MLLT10: variants seen among roughly 807,000 people sequenced by gnomAD.
MLLT10 encodes the protein MLLT10 histone lysine methyltransferase DOT1L cofactor, also known as protein AF-10.
A neutral mutation model predicts 129.1 loss-of-function variants in MLLT10; 30 were observed. The ratio of observed to expected loss-of-function variants is 0.23; its 90% CI spans 0.17 to 0.32. The LOEUF (loss-of-function observed/expected upper bound fraction) is 0.32, where lower values mean the gene tolerates loss of function less well. Ranked by LOEUF, MLLT10 falls within the 10% of genes least tolerant of loss-of-function variation. MLLT10 has a pLI of 1.00. For missense variants in MLLT10, 1,119 were observed against 1,268.3 expected (o/e 0.88, Z 1.79); for synonymous variants, 490 against 446.4 (o/e 1.10, Z -1.23).
chr10:21,626,130 A>C (rs895946648), intron 8 of MLLT10: 9 of 1,609,962 alleles, frequency 5.6e-6, no homozygotes, highest in Non-Finnish European at 5.9e-6. Context: ...CTCTGCCTGT[A>C]GGTCTTCATA....
At chr10:21,604,804 C>T (rs1188770145) in intron 5 of MLLT10, among the ~76,000 whole-genome samples, 2 of 151,378 alleles carry the variant, frequency 1.3e-5, no homozygotes, top group South Asian at 2.1e-4. Flanking sequence ...CTTGATATTC[C>T]GTTCTCTAGG....
intron 13 of MLLT10, among the ~76,000 whole-genome samples, chr10:21,696,479 C>T (rs1169099963): frequency 6.6e-6 from 1 of 152,162 alleles, no homozygotes; most frequent in African/African-American, 2.4e-5. Context: ...GCCTCTACAA[C>T]TACTCCAGTC....
chr10:21,558,730 T>A (rs1375641914), intron 3 of MLLT10, among the ~76,000 whole-genome samples: 4 of 152,086 alleles, frequency 2.6e-5, no homozygotes, highest in Admixed American at 2.6e-4. Context: ...AGTAGAGACA[T>A]CTATTTGTTT....
chr10:21,673,848 A>G lies in MLLT10; in HGVS notation c.1550A>G (p.Gln517Arg). 1.2e-6 allele frequency: 2 copies of G among 1,614,126 alleles called. No homozygotes were observed. Among genetic ancestry groups the G allele is most frequent in the Non-Finnish European group, 1.7e-6 (2 of 1,179,978 alleles). Residue 517 changes from glutamine (Q) to arginine (R), a missense_variant, in exon 11 of 23, where the codon CAG becomes CGG. By Grantham distance (43) the Gln-to-Arg change is conservative. Coordinates refer to ENST00000307729, the MANE Select transcript of MLLT10 (RefSeq NM_001195626.3). ...AAGSITSSSL[Q>R]KSPTLLRNGS... Reference sequence around the variant, plus strand: ...GGAAGCATAACAAGCTCTAGTCTGCAGAAATCTCCTACATTGCTCAGGAAT... The same window carrying G: ...GGAAGCATAACAAGCTCTAGTCTGCGGAAATCTCCTACATTGCTCAGGAAT...
chr10:21,556,556 A>G (rs543380872), intron 3 of MLLT10: 1 of 1,026,626 alleles, frequency 9.7e-7, no homozygotes, highest in East Asian at 2.6e-5. Context: ...TCTCTAGGAA[A>G]TTAAGCTTTG....
At chr10:21,730,801 T>C in intron 16 of MLLT10, 99 bp from the exon 17 acceptor site, 1 of 1,320,970 alleles carries the variant, frequency 7.6e-7, no homozygotes, top group East Asian at 2.3e-5. Flanking sequence ...CCTGGTGTTA[T>C]AAAACTCATA....
intron 5 of MLLT10, among the ~76,000 whole-genome samples, chr10:21,603,256 G>C (rs1328841240): frequency 1.4e-5 from 2 of 147,838 alleles, no homozygotes; most frequent in Non-Finnish European, 3.0e-5. Flanking sequence ...TAGTAGAGGC[G>C]GGGTTTCACC....
intron 5 of MLLT10, among the ~76,000 whole-genome samples, chr10:21,602,182 A>G (rs1012136979): frequency 5.3e-5 from 8 of 152,160 alleles, no homozygotes; most frequent in African/African-American, 1.9e-4. Flanking sequence ...GAAATTGAGC[A>G]TAGATGCTAA....
chr10:21,586,664 G>C (rs1331612832), intron 4 of MLLT10, among the ~76,000 whole-genome samples: 2 of 152,084 alleles, frequency 1.3e-5, no homozygotes, highest in Non-Finnish European at 2.9e-5. Context: ...AAGGGAGGTG[G>C]ATCACCTGAG....
rs548917459 is a variant in MLLT10 at position 21,687,159 on chromosome 10, A to G, written c.1699+4902A>G. Among the ~76,000 whole-genome samples, 11 of 152,318 alleles carry G rather than the reference A, an allele frequency of 7.2e-5. No homozygotes were observed. In the East Asian group the frequency reaches 2.1e-3, roughly 29 times the overall value. ...ACAAATAGGGTTTGTTGGAGGAGGT[A>G]ATGTTAACCAGTTATTCATATAGGT... On this transcript the variant is annotated intron_variant, in intron 13 of 22. Transcript: ENST00000307729.
chr10:21,614,908 A>T lies in MLLT10; in HGVS notation c.587A>T (p.Tyr196Phe). 1 of 1,608,456 alleles carries T rather than the reference A, an allele frequency of 6.2e-7. No individual in the cohort carries two copies. The highest frequency in any genetic ancestry group is 1.1e-5 in the South Asian group (1 of 89,374). Reference sequence around the variant, plus strand: ...GTCCAATACTGTGGCTACTGTAAATACCATTTTAGTAAGCTGGTAAGAATT... The same window carrying T: ...GTCCAATACTGTGGCTACTGTAAATTCCATTTTAGTAAGCTGGTAAGAATT... ...DNVQYCGYCK[Y>F]HFSKLKKSKR... is the part of the protein sequence containing the mutation. Residue 196 changes from tyrosine to phenylalanine, a missense_variant, in exon 7 of 23, where the codon TAC becomes TTC. Physicochemically the swap from Tyr to Phe is conservative, Grantham distance 22. Around this residue, in one of 5 missense-constraint regions of MLLT10, gnomAD observed 44 missense variants for 114.3 expected, o/e 0.38. Transcript: ENST00000307729.
At chr10:21,637,769 A>G (rs1227167877) in intron 8 of MLLT10, among the ~76,000 whole-genome samples, 2 of 152,208 alleles carry the variant, frequency 1.3e-5, no homozygotes, top group Non-Finnish European at 2.9e-5. Flanking sequence ...GCAAAGAGGC[A>G]TTAGAAATGT....
intron 13 of MLLT10, among the ~76,000 whole-genome samples, chr10:21,688,272 A>G (rs1453745650): frequency 6.6e-6 from 1 of 152,184 alleles, no homozygotes; most frequent in Non-Finnish European, 1.5e-5. Context: ...GTTGTGTAAT[A>G]ATTACTTTTA....
chr10:21,539,660 T>G (rs573633124), intron 3 of MLLT10, among the ~76,000 whole-genome samples: 66 of 152,128 alleles, frequency 4.3e-4, no homozygotes, highest in African/African-American at 1.5e-3. Context: ...TCCCAGCTAC[T>G]TAGGAGGCTG....
intron 15 of MLLT10, among the ~76,000 whole-genome samples, chr10:21,727,259 A>T (rs2057588560): frequency 6.6e-6 from 1 of 152,200 alleles, no homozygotes; most frequent in East Asian, 1.9e-4. Flanking sequence ...ATATGATATT[A>T]CCTAAGGAAT....
intron 3 of MLLT10, among the ~76,000 whole-genome samples, chr10:21,572,543 C>A (rs552137357): frequency 4.2e-4 from 64 of 152,006 alleles, no homozygotes; most frequent in Admixed American, 1.3e-3. Flanking sequence ...TTATTTAGGT[C>A]TTTTTTGCTT....
chr10:21,562,028 A>G (rs79953797), intron 3 of MLLT10, among the ~76,000 whole-genome samples: 1 of 151,652 alleles, frequency 6.6e-6, no homozygotes, highest in Admixed American at 6.6e-5. Flanking sequence ...CTGGTCTCAA[A>G]CTCCCAATCT....
At chr10:21,732,839 A>G in intron 17 of MLLT10, 60 bp from the exon 18 acceptor site, 7 of 1,408,090 alleles carry the variant, frequency 5.0e-6, no homozygotes, top group Non-Finnish European at 6.8e-6. Flanking sequence ...GGCACTGCGT[A>G]AAATACTTAG....
intron 3 of MLLT10, among the ~76,000 whole-genome samples, chr10:21,562,510 G>A (rs2038954695): frequency 6.6e-6 from 1 of 151,240 alleles, no homozygotes; most frequent in African/African-American, 2.4e-5. Context: ...GCTAATTTTT[G>A]TATTTTTAGT....
Sources: gnomAD v4.1 joint callset for allele counts (sites outside exome capture counted in the v4.1 genomes callset) on GRCh38, gnomAD v4.1.1 for gene constraint, gnomAD v4.1.1 regional missense constraint, MANE v1.5 for transcripts, NCBI Gene and HGNC (gene_info 2026-07-23, HGNC 2026-07-21) for gene names.